Variants in CPNE8 observed in about 807,000 individuals in gnomAD.
CPNE8 encodes the protein copine-8.
CPNE8 carries 45 observed loss-of-function variants against 81.5 expected under a neutral mutation model. The observed-to-expected ratio is 0.55, with a 90% CI of 0.44 to 0.71. The LOEUF (loss-of-function observed/expected upper bound fraction) is 0.71, where lower values mean the gene tolerates loss of function less well. CPNE8 is among the 30% of genes least tolerant of loss of function. The probability of loss-of-function intolerance (pLI) is 0.00; values close to 1 mark genes in which losing one functional copy is unlikely to be tolerated. For synonymous variants in CPNE8, 252 were observed against 226.3 expected (o/e 1.11, Z -1.02); for missense variants, 594 against 672.1 (o/e 0.88, Z 1.28).
chr12:38,796,559 G>C (rs1384755091), intron 6 of CPNE8, among the ~76,000 whole-genome samples: 2 of 152,100 alleles, frequency 1.3e-5, no homozygotes, highest in Non-Finnish European at 2.9e-5. Context: ...ATAAAAAAGG[G>C]AGGCAGCCAA....
At chr12:38,861,033 C>T (rs1385837495) in intron 3 of CPNE8, among the ~76,000 whole-genome samples, 1 of 152,022 alleles carries the variant, frequency 6.6e-6, no homozygotes, top group African/African-American at 2.4e-5. Context: ...TGGAAATATA[C>T]AATGGAATAT....
At chr12:38,763,932 A>C (rs1435636687) in intron 8 of CPNE8, among the ~76,000 whole-genome samples, 1 of 151,948 alleles carries the variant, frequency 6.6e-6, no homozygotes, top group African/African-American at 2.4e-5. Context: ...CTCTCAAATA[A>C]GAGGGATTTG....
intron 11 of CPNE8, 108 bp downstream of exon 11, chr12:38,730,175 C>G: frequency 1.4e-6 from 1 of 713,338 alleles, no homozygotes; most frequent in Non-Finnish European, 2.5e-6. Flanking sequence ...CTTACATACA[C>G]TGATACTTAG....
chr12:38,685,786 A>G, intron 15 of CPNE8, 169 bp from the exon 16 acceptor site: 2 of 539,918 alleles, frequency 3.7e-6, no homozygotes, highest in Non-Finnish European at 3.2e-6. Context: ...GTAAGTGATC[A>G]ACAATCGATT....
intron 6 of CPNE8, among the ~76,000 whole-genome samples, chr12:38,795,586 T>G (rs1218659181): frequency 6.6e-6 from 1 of 152,192 alleles, no homozygotes; most frequent in Non-Finnish European, 1.5e-5. Flanking sequence ...AGAATGAATC[T>G]TGAAGACATT....
chr12:38,723,565 T>C (rs1482546042), intron 13 of CPNE8, among the ~76,000 whole-genome samples: 1 of 152,220 alleles, frequency 6.6e-6, no homozygotes, highest in Non-Finnish European at 1.5e-5. Flanking sequence ...TACAATATTT[T>C]CTTTTGGTTA....
At chr12:38,852,048 T>A (rs1008036436) in intron 3 of CPNE8, among the ~76,000 whole-genome samples, 1 of 152,160 alleles carries the variant, frequency 6.6e-6, no homozygotes, top group Non-Finnish European at 1.5e-5. Context: ...TAAACATCAA[T>A]CTGAAATAGG....
chr12:38,839,332 C>G (rs11169769), intron 5 of CPNE8, among the ~76,000 whole-genome samples: 36,227 of 151,840 alleles, frequency 0.24, 5,440 homozygotes, highest in Non-Finnish European at 0.33. Flanking sequence ...CCCCAGGTAA[C>G]AGTTGTTACC....
chr12:38,725,512 G>A (rs17126226), intron 11 of CPNE8, among the ~76,000 whole-genome samples: 8,445 of 152,214 alleles, frequency 0.055, 506 homozygotes, highest in East Asian at 0.33. Flanking sequence ...AAGACCTGCC[G>A]ATCTAATGGG....
intron 3 of CPNE8, among the ~76,000 whole-genome samples, chr12:38,854,461 A>G (rs1205668550): frequency 1.6e-5 from 2 of 127,012 alleles, no homozygotes; most frequent in African/African-American, 3.7e-5. Context: ...CCAGACAAAA[A>G]CATTATAAGA....
intron 1 of CPNE8, among the ~76,000 whole-genome samples, chr12:38,876,792 C>T (rs1273962437): frequency 6.6e-6 from 1 of 152,102 alleles, no homozygotes; most frequent in Non-Finnish European, 1.5e-5. Flanking sequence ...CTACTTTACT[C>T]AAGCATATAT....
At chr12:38,747,851 AT>A (rs1178865972) in intron 10 of CPNE8, among the ~76,000 whole-genome samples, 1 of 152,042 alleles carries the variant, frequency 6.6e-6, no homozygotes, top group Non-Finnish European at 1.5e-5. Flanking sequence ...TTCTATTTAC[AT>A]TTTTAATATG....
At chr12:38,878,183 C>T (rs544649544) in intron 1 of CPNE8, among the ~76,000 whole-genome samples, 1 of 152,308 alleles carries the variant, frequency 6.6e-6, no homozygotes, top group Admixed American at 6.5e-5. Flanking sequence ...CCTCGGCACT[C>T]CTCTGCCCAT....
chr12:38,900,974 C>G (rs576365038), intron 1 of CPNE8, among the ~76,000 whole-genome samples: 3 of 152,322 alleles, frequency 2.0e-5, no homozygotes, highest in Admixed American at 2.0e-4. Context: ...ATAATCCCAG[C>G]ACTTTGGGAA....
At chr12:38,747,862 G>A (rs1216058407) in intron 10 of CPNE8, among the ~76,000 whole-genome samples, 1 of 151,560 alleles carries the variant, frequency 6.6e-6, no homozygotes, top group African/African-American at 2.4e-5. Flanking sequence ...TTTTTAATAT[G>A]GCTACTAGAA....
At chr12:38,824,892 G>C (rs1425583283) in intron 6 of CPNE8, among the ~76,000 whole-genome samples, 1 of 152,094 alleles carries the variant, frequency 6.6e-6, no homozygotes, top group Admixed American at 6.5e-5. Flanking sequence ...TGCAGCACCA[G>C]GAGTGTGCAA....
At chr12:38,690,912 A>T (rs1039871063) in intron 15 of CPNE8, among the ~76,000 whole-genome samples, 2 of 152,186 alleles carry the variant, frequency 1.3e-5, no homozygotes, top group African/African-American at 4.8e-5. Flanking sequence ...AAATCCCAAC[A>T]GATACTCATT....
chr12:38,848,695 C>T, intron 3 of CPNE8, 33 bp from the exon 4 acceptor site: 1 of 1,555,534 alleles, frequency 6.4e-7, no homozygotes, highest in Non-Finnish European at 8.6e-7. Context: ...TAAAATTAAA[C>T]CTTGTACGGC....
intron 3 of CPNE8, among the ~76,000 whole-genome samples, chr12:38,868,202 T>C (rs1943943191): frequency 6.6e-6 from 1 of 152,038 alleles, no homozygotes; most frequent in South Asian, 2.1e-4. Context: ...TATACCAAAA[T>C]TGCTGAGAAA....
Sources: gnomAD v4.1 joint callset for allele counts (sites outside exome capture counted in the v4.1 genomes callset) on GRCh38, gnomAD v4.1.1 for gene constraint, MANE v1.5 for transcripts, NCBI Gene and HGNC (gene_info 2026-07-23, HGNC 2026-07-21) for gene names.